Variants in FAM110B observed in about 807,000 individuals in gnomAD.
FAM110B encodes the protein family with sequence similarity 110 member B, also known as protein FAM110B.
FAM110B carries 6 observed loss-of-function variants against 20.4 expected under a neutral mutation model. The observed-to-expected ratio is 0.29, with a 90% CI of 0.16 to 0.58. The LOEUF (loss-of-function observed/expected upper bound fraction) is 0.58. Among genes scored for constraint, FAM110B ranks in the 20% least tolerant of loss-of-function variants. FAM110B has a pLI of 0.90. For missense variants in FAM110B, 434 were observed against 498.2 expected, an observed-to-expected ratio of 0.87 and a Z score of 1.23; for synonymous variants, 226 against 214.1, an observed-to-expected ratio of 1.06 and a Z score of -0.49.
intron 2 of FAM110B, among the ~76,000 whole-genome samples, chr8:58,055,466 G>T (rs1022960777): frequency 6.6e-6 from 1 of 152,110 alleles, no homozygotes; most frequent in Admixed American, 6.5e-5. Context: ...CTGATCTACA[G>T]ATTATGTTTT....
intron 1 of FAM110B, among the ~76,000 whole-genome samples, chr8:58,024,910 A>G (rs559320584): frequency 3.3e-4 from 51 of 152,310 alleles, no homozygotes; most frequent in African/African-American, 1.2e-3. Flanking sequence ...GGCAGCCTGG[A>G]TCCTTTAGAG....
At chr8:58,034,132 C>T (rs540423417) in intron 2 of FAM110B, among the ~76,000 whole-genome samples, 47 of 152,258 alleles carry the variant, frequency 3.1e-4, no homozygotes, top group African/African-American at 9.9e-4. Flanking sequence ...CAGTGGGCTG[C>T]GGTAACTAAG....
rs549982360 is a variant in FAM110B, at chr8:58,147,475, G to A, written c.*132G>A. ...GTTGTGCAATGTTTTCAAGTTGCAT[G>A]CTTGTCAACATGGGGACTGACCTGG... On this transcript the variant is annotated 3_prime_UTR_variant, in exon 4 of 4. Coordinates refer to ENST00000519262, the MANE Select transcript of FAM110B (RefSeq NM_001377989.1). 1.7e-6 allele frequency: 2 copies of A among 1,156,786 alleles called. No individual in the cohort carries two copies. Among genetic ancestry groups the A allele is most frequent in the South Asian group, 3.2e-5 (2 of 62,514 alleles). 71.7% of individuals were successfully genotyped at this position (1,156,786 alleles called of 1,614,324 possible).
chr8:58,038,629 G>A (rs554682766), intron 2 of FAM110B, among the ~76,000 whole-genome samples: 1 of 152,218 alleles, frequency 6.6e-6, no homozygotes, highest in Non-Finnish European at 1.5e-5. Flanking sequence ...GCACAGGCCT[G>A]TAATCCCAGC....
intron 3 of FAM110B, among the ~76,000 whole-genome samples, chr8:58,115,122 C>T (rs1807169428): frequency 6.6e-6 from 1 of 151,886 alleles, no homozygotes; most frequent in African/African-American, 2.4e-5. Context: ...TATTTCATTG[C>T]TCATCGGCTT....
rs554589432 is a variant in FAM110B at position 58,106,886 on chromosome 8, G to A, written c.-325+31263G>A. Among the ~76,000 whole-genome samples, 13 of 152,308 alleles carry A rather than the reference G, an allele frequency of 8.5e-5. 1 individual carries two copies. The highest frequency in any genetic ancestry group is 3.1e-4 in the African/African-American group (13 of 41,572). On this transcript the variant is annotated intron_variant, in intron 3 of 3. Transcript: ENST00000519262. ...CAGTGTGTTTATGTTGTCAGTTACT[G>A]TTTTATAGTGTTCATTTCCCTTCAC...
chr8:58,107,378 A>G (rs538174007), intron 3 of FAM110B, among the ~76,000 whole-genome samples: 1 of 152,292 alleles, frequency 6.6e-6, no homozygotes, highest in Admixed American at 6.5e-5. Context: ...AAGAAGGCCC[A>G]CCGGGATTCT....
At chr8:58,141,111 C>T (rs1388131940) in intron 3 of FAM110B, among the ~76,000 whole-genome samples, 2 of 152,146 alleles carry the variant, frequency 1.3e-5, no homozygotes, top group Admixed American at 6.6e-5. Flanking sequence ...GACAAGGATG[C>T]GACTGTTCTT....
chr8:58,018,182 G>A lies in FAM110B; in HGVS notation c.-511-13424G>A, dbSNP rs1804676510. The stretch of plus-strand genomic sequence containing the variant: ...CTGCCTGTTCTATCAATTATTGAGT[G>A]CAGAGTGCTAAAAATCTTCACCTGT... On this transcript the variant is annotated intron_variant, in intron 1 of 3. Coordinates refer to ENST00000519262, the MANE Select transcript of FAM110B (RefSeq NM_001377989.1). Among the ~76,000 whole-genome samples the A allele has an allele frequency of 2.0e-5, 3 of 152,184 alleles. No homozygotes were observed. The South Asian group carries it at 6.2e-4, about 32-fold the overall frequency.
chr8:58,050,958 T>A (rs916623180), intron 2 of FAM110B, among the ~76,000 whole-genome samples: 1 of 152,258 alleles, frequency 6.6e-6, no homozygotes, highest in African/African-American at 2.4e-5. Context: ...TACTTTGAGA[T>A]GCTGAAGACC....
intron 3 of FAM110B, among the ~76,000 whole-genome samples, chr8:58,129,483 C>A (rs183634555): frequency 2.3e-3 from 357 of 152,344 alleles, no homozygotes; most frequent in South Asian, 0.017. Context: ...TCAGCCACCC[C>A]CTTCGGGGCC....
intron 2 of FAM110B, among the ~76,000 whole-genome samples, chr8:58,071,886 C>T (rs951381542): frequency 1.9e-4 from 29 of 152,156 alleles, no homozygotes; most frequent in African/African-American, 7.0e-4. Flanking sequence ...CTTCACATTC[C>T]ACTTCCTTGA....
chr8:58,040,133 G>A (rs548142279), intron 2 of FAM110B, among the ~76,000 whole-genome samples: 112 of 151,698 alleles, frequency 7.4e-4, no homozygotes, highest in African/African-American at 2.5e-3. Flanking sequence ...ATTGGTCAGC[G>A]CTTCTTCGAC....
chr8:58,129,834 C>T (rs1049291008), intron 3 of FAM110B, among the ~76,000 whole-genome samples: 1 of 152,090 alleles, frequency 6.6e-6, no homozygotes, highest in Admixed American at 6.5e-5. Context: ...TCTGCTTAAA[C>T]CTCCCTCTTC....
intron 3 of FAM110B, among the ~76,000 whole-genome samples, chr8:58,120,248 A>G (rs1352565101): frequency 6.6e-6 from 1 of 152,178 alleles, no homozygotes; most frequent in African/African-American, 2.4e-5. Flanking sequence ...ATCCCTCTTT[A>G]TGTAGAAAGA....
At chr8:58,035,957 T>A (rs563651736) in intron 2 of FAM110B, among the ~76,000 whole-genome samples, 1 of 152,244 alleles carries the variant, frequency 6.6e-6, no homozygotes, top group East Asian at 1.9e-4. Flanking sequence ...CAAGGTCCCA[T>A]GTGTTCTTGT....
intron 2 of FAM110B, among the ~76,000 whole-genome samples, chr8:58,052,910 C>G (rs1263873592): frequency 1.3e-5 from 2 of 148,236 alleles, no homozygotes; most frequent in African/African-American, 5.0e-5. Flanking sequence ...CTCAGCCTCC[C>G]GAGTAGCTGG....
chr8:58,143,292 G>A (rs1246263336), intron 3 of FAM110B, among the ~76,000 whole-genome samples: 4 of 152,154 alleles, frequency 2.6e-5, no homozygotes, highest in Non-Finnish European at 5.9e-5. Context: ...TTGCTTTTGG[G>A]TCTTCCAATA....
chr8:58,129,693 A>G (rs2150633107), intron 3 of FAM110B, among the ~76,000 whole-genome samples: 1 of 152,314 alleles, frequency 6.6e-6, no homozygotes, highest in South Asian at 2.1e-4. Flanking sequence ...GGCTACTAGA[A>G]CAGGGAGGAA....
Sources: gnomAD v4.1 joint callset for allele counts (sites outside exome capture counted in the v4.1 genomes callset) on GRCh38, gnomAD v4.1.1 for gene constraint, MANE v1.5 for transcripts, NCBI Gene and HGNC (gene_info 2026-07-23, HGNC 2026-07-21) for gene names.